Variants in DMD observed in about 807,000 individuals in gnomAD.
The protein encoded by DMD is dystrophin.
In DMD, 63 loss-of-function variants were observed where a neutral mutation model predicts 330.1. That is an observed-to-expected ratio of 0.19 (90% CI 0.16 to 0.24). The LOEUF (loss-of-function observed/expected upper bound fraction) is 0.24. Ranked by LOEUF, DMD falls within the 10% of genes least tolerant of loss-of-function variation. DMD has a pLI of 1.00. For missense variants in DMD, 3,344 were observed against 2,684.1 expected (o/e 1.25, Z -5.43); for synonymous variants, 1,223 against 959.8 (o/e 1.27, Z -5.07).
chrX:32,874,521 T>C (rs778122072), intron 2 of DMD, among the ~76,000 whole-genome samples: 2 of 111,641 alleles, frequency 1.8e-5, no homozygotes, highest in South Asian at 7.5e-4. Context: ...TCTCCTCCTG[T>C]GAGATATGCA....
At chrX:32,307,501 CAG>C (rs1295311276) in intron 42 of DMD, among the ~76,000 whole-genome samples, 1 of 111,652 alleles carries the variant, frequency 9.0e-6, no homozygotes, top group Non-Finnish European at 1.9e-5. Context: ...AGCTACCAGT[CAG>C]AGTACAAGGC....
chrX:31,611,448 T>C (rs553646354), intron 55 of DMD, among the ~76,000 whole-genome samples: 1 of 111,970 alleles, frequency 8.9e-6, no homozygotes, highest in East Asian at 2.8e-4. Flanking sequence ...AATACCTTAA[T>C]ACTTCTATTA....
intron 7 of DMD, among the ~76,000 whole-genome samples, chrX:32,781,902 A>G (rs1194471021): frequency 3.6e-5 from 4 of 111,225 alleles, no homozygotes; most frequent in Non-Finnish European, 7.5e-5. Flanking sequence ...CTTTCTCTCT[A>G]TTTCCCCAAA....
chrX:32,337,415 G>A (rs1223687480), intron 41 of DMD, among the ~76,000 whole-genome samples: 4 of 108,752 alleles, frequency 3.7e-5, no homozygotes, highest in Admixed American at 1.0e-4. Context: ...TAAACATCAA[G>A]ATCATATACT....
At chrX:32,849,008 T>C (rs897473779) in intron 3 of DMD, among the ~76,000 whole-genome samples, 1 of 111,394 alleles carries the variant, frequency 9.0e-6, no homozygotes, top group African/African-American at 3.3e-5. Flanking sequence ...TGTATGTGCA[T>C]GTGCTGGGGA....
chrX:33,146,148 C>G (rs927759957), intron 1 of DMD, among the ~76,000 whole-genome samples: 7 of 110,694 alleles, frequency 6.3e-5, no homozygotes, highest in African/African-American at 2.3e-4. Context: ...CCTGCCTTGG[C>G]CTCCCAAAGT....
Position 32,048,283 on chromosome X carries a change from G to T in DMD, c.6439-79769C>A, listed in dbSNP as rs184565403. ...AGATTGCAAAGCAAACTAAATGCATGAACAAGGATTTGAACTGTGTTTTTT... is the reference window on the plus strand; with the variant it reads ...AGATTGCAAAGCAAACTAAATGCATTAACAAGGATTTGAACTGTGTTTTTT... On this transcript the variant is annotated intron_variant, in intron 44 of 78. Transcript: ENST00000357033. Among the ~76,000 whole-genome samples the T allele has an allele frequency of 2.9e-5, 3 of 104,944 alleles. No homozygotes were observed. In the East Asian group the frequency reaches 8.9e-4, roughly 31 times the overall value. The allele number at this position is 104,944 out of a possible 115,157, so 91.1% of individuals were successfully genotyped here. A position where few individuals can be genotyped will look rare whatever the true frequency, so the allele number is the denominator to read the frequency against.
At chrX:32,237,303 T>G (rs907498349) in intron 43 of DMD, among the ~76,000 whole-genome samples, 2 of 111,616 alleles carry the variant, frequency 1.8e-5, no homozygotes, top group African/African-American at 6.5e-5. Flanking sequence ...ATGTCATATA[T>G]TATACTCTTA....
At position 31,531,535 on chromosome X, in the gene DMD, C is replaced by A. The variant is rs1198393905; in HGVS notation, c.8218-24082G>T. On this transcript the variant is annotated intron_variant, in intron 55 of 78. Coordinates refer to ENST00000357033, the MANE Select transcript of DMD (RefSeq NM_004006.3). ...TTTTGATGGGGTTGTTTGTTTTTTTCTTGTAAATTTGTTTGAGTTCATTGT... is the reference window on the plus strand; with the variant it reads ...TTTTGATGGGGTTGTTTGTTTTTTTATTGTAAATTTGTTTGAGTTCATTGT... Among the ~76,000 whole-genome samples, 110 of 80,355 alleles carry A rather than the reference C, an allele frequency of 1.4e-3. 1 individual carries two copies. The highest frequency in any genetic ancestry group is 1.8e-3 in the Non-Finnish European group (79 of 43,476). The allele number at this position is 80,355 out of a possible 115,157, so 69.8% of individuals were successfully genotyped here.
chrX:32,042,305 G>A (rs886612972), intron 44 of DMD, among the ~76,000 whole-genome samples: 7 of 108,439 alleles, frequency 6.5e-5, no homozygotes, highest in African/African-American at 2.4e-4. Context: ...GCATGGCTGG[G>A]GAGACCTCAG....
intron 60 of DMD, among the ~76,000 whole-genome samples, chrX:31,425,380 A>G (rs1196372755): frequency 8.9e-6 from 1 of 111,807 alleles, no homozygotes; most frequent in Non-Finnish European, 1.9e-5. Flanking sequence ...TCAATTCTGA[A>G]CCTCATTATA....
At chrX:31,510,813 T>C (rs1230937973) in intron 55 of DMD, among the ~76,000 whole-genome samples, 1 of 111,080 alleles carries the variant, frequency 9.0e-6, no homozygotes, top group Non-Finnish European at 1.9e-5. Flanking sequence ...CTGGCCCTGA[T>C]TGCTCTTTTC....
chrX:32,715,205 G>T (rs1046921934), intron 7 of DMD, among the ~76,000 whole-genome samples: 1 of 111,027 alleles, frequency 9.0e-6, no homozygotes, highest in Non-Finnish European at 1.9e-5. Flanking sequence ...TGGGCCAGGC[G>T]TGGTGGCTCA....
At chrX:32,655,023 T>A (rs1469555414) in intron 9 of DMD, among the ~76,000 whole-genome samples, 1 of 111,895 alleles carries the variant, frequency 8.9e-6, no homozygotes, top group Non-Finnish European at 1.9e-5. Flanking sequence ...ATTGCATCTA[T>A]TTGATTCTTC....
At position 31,767,119 on chromosome X, in the gene DMD, T is replaced by G. The variant is rs775095379; in HGVS notation, c.7542+6841A>C. Among the ~76,000 whole-genome samples the G allele has an allele frequency of 6.2e-5, 7 of 112,029 alleles. No individual in the cohort carries two copies. In the East Asian group the frequency reaches 1.9e-3, roughly 31 times the overall value. Reference sequence around the variant, plus strand: ...GTCTACCAGAGACATGTACATTTGTTGGAAGATAATTAAAGCACAAAATTT... The same window carrying G: ...GTCTACCAGAGACATGTACATTTGTGGGAAGATAATTAAAGCACAAAATTT... On this transcript the variant is annotated intron_variant, in intron 51 of 78. Transcript: ENST00000357033.
intron 2 of DMD, among the ~76,000 whole-genome samples, chrX:32,983,083 G>A (rs1469016160): frequency 8.9e-6 from 1 of 111,868 alleles, no homozygotes; most frequent in African/African-American, 3.2e-5. Context: ...CACCCTCACA[G>A]GACCAGAGTG....
chrX:32,624,945 G>A (rs946919814), intron 11 of DMD, among the ~76,000 whole-genome samples: 9 of 111,133 alleles, frequency 8.1e-5, no homozygotes, highest in South Asian at 3.8e-4. Context: ...AGGCTGAGGC[G>A]GCGGATCACA....
intron 1 of DMD, among the ~76,000 whole-genome samples, chrX:33,165,619 A>G (rs1041372358): frequency 2.7e-5 from 3 of 111,889 alleles, no homozygotes; most frequent in Non-Finnish European, 5.6e-5. Context: ...CAAATAATAC[A>G]GCTCAGGAAT....
At chrX:31,297,829 C>A (rs2054305346) in intron 62 of DMD, among the ~76,000 whole-genome samples, 2 of 112,481 alleles carry the variant, frequency 1.8e-5, no homozygotes, top group South Asian at 7.4e-4. Context: ...TGCATACATA[C>A]AAGTTCTATG....
Sources: gnomAD v4.1 joint callset for allele counts (sites outside exome capture counted in the v4.1 genomes callset) on GRCh38, gnomAD v4.1.1 for gene constraint, MANE v1.5 for transcripts, NCBI Gene and HGNC (gene_info 2026-07-23, HGNC 2026-07-21) for gene names.